Variants in AMOTL1 observed in about 807,000 individuals in gnomAD.
AMOTL1 encodes angiomotin like 1.
In AMOTL1, 45 loss-of-function variants were observed where a neutral mutation model predicts 102.9. That is an observed-to-expected ratio of 0.44 (90% CI 0.34 to 0.56). The LOEUF is 0.56. Among genes scored for constraint, AMOTL1 ranks in the 20% least tolerant of loss-of-function variants. AMOTL1 has a pLI of 0.01. For synonymous variants in AMOTL1, 481 were observed against 484.7 expected (o/e 0.99, Z 0.10); for missense variants, 1,114 against 1,225.6 (o/e 0.91, Z 1.36).
intron 1 of AMOTL1, among the ~76,000 whole-genome samples, chr11:94,718,699 T>G (rs1399160479): frequency 6.6e-6 from 1 of 151,840 alleles, no homozygotes; most frequent in African/African-American, 2.4e-5. Flanking sequence ...TAATTAATAT[T>G]TGTTTATCTA....
In AMOTL1 at chr11:94,853,957, G is replaced by A; in HGVS notation, c.1819G>A (p.Glu607Lys). 6.2e-7 allele frequency: 1 copy of A among 1,608,560 alleles called. No homozygotes were observed. Among genetic ancestry groups the A allele is most frequent in the Non-Finnish European group, 8.5e-7 (1 of 1,177,260 alleles). ...EELREKQAYV[E>K]KVEKLQQALT... The stretch of plus-strand genomic sequence containing the variant: ...GTTACGAGAGAAGCAAGCATATGTT[G>A]AGAAAGTTGAGAAGCTGCAGCAGGC... Residue 607 changes from glutamate (E) to lysine (K), a missense_variant, in exon 8 of 13, where the codon GAG (glutamate) becomes AAG (lysine). By Grantham distance (56) the Glu-to-Lys change is moderately conservative. Transcript: ENST00000433060.
intron 3 of AMOTL1, among the ~76,000 whole-genome samples, chr11:94,745,064 C>CT (rs536329474): frequency 6.7e-6 from 1 of 149,146 alleles, no homozygotes; most frequent in South Asian, 2.1e-4. Flanking sequence ...TGCTAACAAA[C>CT]TTTTTTTTTT....
intron 1 of AMOTL1, among the ~76,000 whole-genome samples, chr11:94,708,017 T>G (rs1949958433): frequency 6.6e-6 from 1 of 152,138 alleles, no homozygotes; most frequent in Non-Finnish European, 1.5e-5. Context: ...ACCTGCACAA[T>G]CCAATCAATC....
chr11:94,802,081 A>G (rs1449946903), intron 3 of AMOTL1, among the ~76,000 whole-genome samples: 1 of 152,144 alleles, frequency 6.6e-6, no homozygotes, highest in African/African-American at 2.4e-5. Flanking sequence ...CCCACATTAG[A>G]CTGAGAATGC....
chr11:94,828,805 T>C (rs1458833743), intron 4 of AMOTL1, among the ~76,000 whole-genome samples: 1 of 152,154 alleles, frequency 6.6e-6, no homozygotes, highest in Non-Finnish European at 1.5e-5. Flanking sequence ...CATTGCTGTC[T>C]TATGGAAGGA....
rs1479852622 is a variant in AMOTL1 at position 94,853,981 on chromosome 11, G to T, written c.1843G>T (p.Ala615Ser). The change falls in exon 8 of 13, where the codon GCC (alanine) becomes TCC (serine). Residue 615 changes from alanine to serine, a missense_variant. Physicochemically the swap from Ala to Ser is moderately conservative, Grantham distance 99. Transcript: ENST00000433060. ...TGAGAAAGTTGAGAAGCTGCAGCAG[G>T]CCCTGACCCAGCTGCAGTCTGCATG... ...YVEKVEKLQQ[A>S]LTQLQSACEK... 2 of 1,605,080 alleles carry T rather than the reference G, an allele frequency of 1.2e-6. No individual in the cohort carries two copies. Among genetic ancestry groups the T allele is most frequent in the Non-Finnish European group, 1.7e-6 (2 of 1,175,480 alleles).
At position 94,813,296 on chromosome 11, in the gene AMOTL1, C is replaced by A. The variant is rs1373661775; in HGVS notation, c.1122-8234C>A. On this transcript the variant is annotated intron_variant, in intron 3 of 12. Coordinates refer to ENST00000433060, the MANE Select transcript of AMOTL1 (RefSeq NM_130847.3). ...TCAGAATAAGTCCAGCAGATCCTAA[C>A]AGAATAATTAGCCTCAGGCCTTGCT... Among the ~76,000 whole-genome samples the A allele has an allele frequency of 1.4e-4, 21 of 152,232 alleles. 1 individual carries two copies. Among genetic ancestry groups the A allele is most frequent in the African/African-American group, 4.8e-5 (2 of 41,466 alleles).
rs906290947 is a variant in AMOTL1 at position 94,874,622 on chromosome 11, A to T, written c.*3827A>T. ...AATGCCCCGTGCAGAGCAGCCAGTC[A>T]TTACTCTTGTTTGTTCTCACCTGGG... is the stretch of plus-strand genomic sequence containing the variant. On this transcript the variant is annotated 3_prime_UTR_variant, in exon 13 of 13. Coordinates refer to ENST00000433060, the MANE Select transcript of AMOTL1 (RefSeq NM_130847.3). 4.6e-5 allele frequency: 7 copies of T among 152,326 alleles called. No individual in the cohort carries two copies. Among genetic ancestry groups the T allele is most frequent in the African/African-American group, 1.4e-4 (6 of 41,564 alleles). The allele number at this position is 152,326 out of a possible 1,614,324, so 9.4% of individuals were successfully genotyped here.
At chr11:94,808,747 T>A (rs905072549) in intron 3 of AMOTL1, among the ~76,000 whole-genome samples, 11 of 152,090 alleles carry the variant, frequency 7.2e-5, no homozygotes, top group African/African-American at 2.7e-4. Flanking sequence ...GAGCCACATA[T>A]CTCATTAAAC....
chr11:94,751,523 G>GA (rs2135490031), intron 3 of AMOTL1, among the ~76,000 whole-genome samples: 1 of 152,206 alleles, frequency 6.6e-6, no homozygotes, highest in East Asian at 1.9e-4. Context: ...AGGGCAGGTG[G>GA]ACTCAAACTT....
chr11:94,730,265 C>T (rs72967847), intron 2 of AMOTL1, among the ~76,000 whole-genome samples: 2,656 of 152,328 alleles, frequency 0.017, 39 homozygotes, highest in Non-Finnish European at 0.029. Context: ...CCCCCTCCTT[C>T]TCACTGTATC....
At chr11:94,782,959 T>TTACATGTAAAATATGATATTTTACATATG (rs1951133825) in intron 1 of AMOTL1, among the ~76,000 whole-genome samples, 1 of 152,238 alleles carries the variant, frequency 6.6e-6, no homozygotes, top group African/African-American at 2.4e-5. Flanking sequence ...TATTGATATT[T>TTACATGTAAAATATGATATTTTACATATG]TTACATGAAT....
intron 11 of AMOTL1, among the ~76,000 whole-genome samples, chr11:94,867,328 T>A (rs1387142385): frequency 6.6e-6 from 1 of 152,068 alleles, no homozygotes; most frequent in Non-Finnish European, 1.5e-5. Flanking sequence ...GACATTTAGC[T>A]CCCACCCCAG....
At chr11:94,865,825 T>C in intron 10 of AMOTL1, 117 bp from the exon 11 acceptor site, 1 of 840,406 alleles carries the variant, frequency 1.2e-6, no homozygotes, top group Admixed American at 2.2e-5. Context: ...ACTCGTACTG[T>C]GCTTCATCCT....
rs763591419 is a variant in AMOTL1, at chr11:94,873,117, C to T, written c.*2322C>T. ...GACCCAGCTGTTTCTCCCGAAGCCT[C>T]GTCTTCATGCCCCAGACACCTGATT... On this transcript the variant is annotated 3_prime_UTR_variant, in exon 13 of 13. Coordinates refer to ENST00000433060, the MANE Select transcript of AMOTL1 (RefSeq NM_130847.3). 2.0e-5 allele frequency: 3 copies of T among 152,122 alleles called. No homozygotes were observed. The highest frequency in any genetic ancestry group is 6.5e-5 in the Admixed American group (1 of 15,280). The allele number at this position is 152,122 out of a possible 1,614,324, so 9.4% of individuals were successfully genotyped here.
intron 1 of AMOTL1, among the ~76,000 whole-genome samples, chr11:94,724,571 T>C (rs1389849951): frequency 6.6e-6 from 1 of 152,142 alleles, no homozygotes; most frequent in Non-Finnish European, 1.5e-5. Context: ...AGATCCCTGG[T>C]TTACCCTGTG....
At chr11:94,798,993 G>A (rs1271231913) in intron 2 of AMOTL1, among the ~76,000 whole-genome samples, 1 of 152,052 alleles carries the variant, frequency 6.6e-6, no homozygotes, top group African/African-American at 2.4e-5. Context: ...GAGATACAGG[G>A]TGGTAGTTAG....
At chr11:94,773,879 G>A (rs1001616390) in intron 1 of AMOTL1, among the ~76,000 whole-genome samples, 3 of 152,198 alleles carry the variant, frequency 2.0e-5, no homozygotes, top group African/African-American at 7.2e-5. Flanking sequence ...TTATGTATAT[G>A]TTAAAATGAA....
chr11:94,846,748 T>C (rs1952421351), intron 6 of AMOTL1, among the ~76,000 whole-genome samples: 1 of 152,184 alleles, frequency 6.6e-6, no homozygotes, highest in South Asian at 2.1e-4. Context: ...ACATTAGATA[T>C]AAATGCAACT....
Sources: gnomAD v4.1 joint callset for allele counts (sites outside exome capture counted in the v4.1 genomes callset) on GRCh38, gnomAD v4.1.1 for gene constraint, MANE v1.5 for transcripts, NCBI Gene and HGNC (gene_info 2026-07-23, HGNC 2026-07-21) for gene names.